Variants in TNRC18 observed in about 807,000 individuals in gnomAD.
TNRC18 encodes the protein trinucleotide repeat containing 18, also known as trinucleotide repeat-containing gene 18 protein.
In TNRC18, 69 loss-of-function variants were observed where a neutral mutation model predicts 226.7. That is an observed-to-expected ratio of 0.30 (90% CI 0.25 to 0.37). The LOEUF (loss-of-function observed/expected upper bound fraction) is 0.37, where lower values mean the gene tolerates loss of function less well. Among genes scored for constraint, TNRC18 ranks in the 10% least tolerant of loss-of-function variants. The pLI is 1.00. For missense variants in TNRC18, 4,754 were observed against 4,256.6 expected (o/e 1.12, Z -3.25); for synonymous variants, 2,449 against 1,927.6 (o/e 1.27, Z -7.09).
chr7:5,365,544 AG>A (rs760208647), intron 11 of TNRC18, among the ~76,000 whole-genome samples: 7 of 152,176 alleles, frequency 4.6e-5, no homozygotes, highest in Non-Finnish European at 8.8e-5. Flanking sequence ...CCCTCCAGGA[AG>A]GGTGCTCCAA....
intron 29 of TNRC18, 41 bp from the exon 30 acceptor site, chr7:5,308,353 A>ACAGAGG (rs1554266295): frequency 1.9e-4 from 291 of 1,550,994 alleles, no homozygotes; most frequent in Non-Finnish European, 2.4e-4. Context: ...GGTGGGGGGC[A>ACAGAGG]CAGAGGCCGA....
Position 5,377,058 on chromosome 7 carries a change from C to A in TNRC18, c.2462-65G>T. ...CCCCAAGCGGTTTGTCCTCGGGCAGCCCCAGCCCAGCACCACCTCCCAAGT... is the reference window on the plus strand; with the variant it reads ...CCCCAAGCGGTTTGTCCTCGGGCAGACCCAGCCCAGCACCACCTCCCAAGT... On this transcript the variant is annotated intron_variant, in intron 7 of 29. Coordinates refer to ENST00000430969, the MANE Select transcript of TNRC18 (RefSeq NM_001080495.3). This position sits in a 1 kb window ranked among gnomAD's most constrained non-coding sequence, Gnocchi z 5.8. The A allele has an allele frequency of 6.5e-7, 1 of 1,528,342 alleles. No homozygotes were observed. Among genetic ancestry groups the A allele is most frequent in the Non-Finnish European group, 8.8e-7 (1 of 1,140,044 alleles). The allele number at this position is 1,528,342 out of a possible 1,614,324, so 94.7% of individuals were successfully genotyped here.
intron 5 of TNRC18, among the ~76,000 whole-genome samples, chr7:5,379,715 C>T (rs1470264570): frequency 6.6e-6 from 1 of 152,338 alleles, no homozygotes; most frequent in East Asian, 1.9e-4. Context: ...GGTGAAGGCC[C>T]GGGAATGGGA....
chr7:5,380,973 C>G (rs1476837492), intron 5 of TNRC18, among the ~76,000 whole-genome samples: 1 of 152,166 alleles, frequency 6.6e-6, no homozygotes. Context: ...CCCGTGCCCC[C>G]AGAAGAGGCA....
chr7:5,370,906 C>T lies in TNRC18; in HGVS notation c.3688G>A (p.Val1230Met), dbSNP rs202017770. The change falls in exon 11 of 30, where the codon GTG (valine) becomes ATG (methionine). Residue 1230 changes from valine to methionine, a missense_variant. Val to Met is a conservative substitution (Grantham distance 21, BLOSUM62 1). Coordinates refer to ENST00000430969, the MANE Select transcript of TNRC18 (RefSeq NM_001080495.3). ...PDFVEGPEPRVDSPGRTEPCT... is the reference protein window; with the variant it reads ...PDFVEGPEPRMDSPGRTEPCT... ...GGTTCTGTCCGGCCCGGGGAATCCA[C>T]CCGTGGTTCAGGCCCCTCCACAAAG... 1 of 1,606,050 alleles carries T rather than the reference C, an allele frequency of 6.2e-7. No individual in the cohort carries two copies.
intron 2 of TNRC18, among the ~76,000 whole-genome samples, chr7:5,405,246 G>C (rs1171197843): frequency 6.6e-6 from 1 of 152,082 alleles, no homozygotes; most frequent in Admixed American, 6.6e-5. Context: ...TGGCCAACAA[G>C]GCAAAACCCT....
At position 5,388,572 on chromosome 7, in the gene TNRC18, G is replaced by A. The variant is rs1780004045; in HGVS notation, c.1252C>T (p.Arg418Trp). The change falls in exon 5 of 30, where the codon CGG becomes TGG. Residue 418 changes from arginine to tryptophan, a missense_variant. Arg to Trp is a moderately radical substitution (Grantham distance 101, BLOSUM62 -3). Coordinates refer to ENST00000430969, the MANE Select transcript of TNRC18 (RefSeq NM_001080495.3). Reference protein sequence around the residue: ...GVLQAPPGSPRPLDRPEGLRE... With the variant: ...GVLQAPPGSPWPLDRPEGLRE... ...AGGCCCTCGGGCCGGTCCAGAGGCC[G>A]CGGGGAGCCGGGGGGCGCCTGCAGG... The A allele has an allele frequency of 7.7e-7, 1 of 1,303,534 alleles. No individual in the cohort carries two copies. Among genetic ancestry groups the A allele is most frequent in the Non-Finnish European group, 9.7e-7 (1 of 1,027,668 alleles). 80.7% of individuals were successfully genotyped at this position (1,303,534 alleles called of 1,614,324 possible). A position where few individuals can be genotyped will look rare whatever the true frequency, so the allele number is the denominator to read the frequency against.
At position 5,332,818 on chromosome 7, in the gene TNRC18, G is replaced by A. The variant is rs566845664; in HGVS notation, c.5951C>T (p.Ala1984Val). ...GTCGTCGTCGCTGGCCTCGGGCCCC[G>A]CCTCGAAGCCAGGCTCCTTGGGGCC... ...LRGPKEPGFE[A>V]GPEASDDDLW... is the part of the protein sequence containing the mutation. The change falls in exon 19 of 30, where the codon GCG becomes GTG. Residue 1984 changes from alanine to valine, a missense_variant. Ala to Val is a moderately conservative substitution (Grantham distance 64, BLOSUM62 0). Coordinates refer to ENST00000430969, the MANE Select transcript of TNRC18 (RefSeq NM_001080495.3). 4.2e-5 allele frequency: 64 copies of A among 1,507,762 alleles called. No homozygotes were observed. In the South Asian group the frequency reaches 7.2e-4, roughly 17 times the overall value. The allele number at this position is 1,507,762 out of a possible 1,614,324, so 93.4% of individuals were successfully genotyped here.
intron 18 of TNRC18, among the ~76,000 whole-genome samples, chr7:5,338,739 G>T (rs559940669): frequency 1.3e-5 from 2 of 150,870 alleles, no homozygotes; most frequent in African/African-American, 2.4e-5. Flanking sequence ...TGACCAACAT[G>T]GAGAAACCCC....
At chr7:5,347,761 C>A (rs558140541) in intron 17 of TNRC18, among the ~76,000 whole-genome samples, 2 of 151,902 alleles carry the variant, frequency 1.3e-5, no homozygotes, top group African/African-American at 4.8e-5. Context: ...TCGAGACCAG[C>A]CTGGCCAACC....
In TNRC18 at chr7:5,308,185, C is replaced by T. The variant is rs1386475744; in HGVS notation, c.8828G>A (p.Gly2943Asp). ...LKTKKYQDSE[G>D]LYYLAGTYEP... The stretch of plus-strand genomic sequence containing the variant: ...GTAGGTGCCCGCGAGGTAGTACAGG[C>T]CCTCGCTGTCCTGGTACTTCTTGGT... Residue 2943 changes from glycine (G) to aspartate (D), a missense_variant, in exon 30 of 30, where the codon GGC becomes GAC. Coordinates refer to ENST00000430969, the MANE Select transcript of TNRC18 (RefSeq NM_001080495.3). 4 of 1,601,692 alleles carry T rather than the reference C, an allele frequency of 2.5e-6. No homozygotes were observed. The highest frequency in any genetic ancestry group is 3.4e-5 in the Admixed American group (2 of 58,424).
At position 5,377,334 on chromosome 7, in the gene TNRC18, C is replaced by CCCACAT; in HGVS notation, c.2461+36_2461+37insATGTGG. 7.2e-7 allele frequency: 1 copy of CCCACAT among 1,384,202 alleles called. No individual in the cohort carries two copies. The highest frequency in any genetic ancestry group is 9.8e-7 in the Non-Finnish European group (1 of 1,023,598). The allele number at this position is 1,384,202 out of a possible 1,614,324, so 85.7% of individuals were successfully genotyped here. A position where few individuals can be genotyped will look rare whatever the true frequency, so the allele number is the denominator to read the frequency against. ...TGCACCCGCCCCCTCCCACCCCTCCCTCAGAGAAGGGGAGAGACCCTGTGC... is the reference window on the plus strand; with the variant it reads ...TGCACCCGCCCCCTCCCACCCCTCCCCCACATTCAGAGAAGGGGAGAGACCCTGTGC... On this transcript the variant is annotated intron_variant, in intron 7 of 29. Transcript: ENST00000430969. This position sits in a 1 kb window ranked among gnomAD's most constrained non-coding sequence, Gnocchi z 5.8.
intron 27 of TNRC18, among the ~76,000 whole-genome samples, chr7:5,310,659 C>T (rs1787084049): frequency 6.6e-6 from 1 of 152,240 alleles, no homozygotes; most frequent in African/African-American, 2.4e-5. Context: ...CTGGGCCTCC[C>T]AAAGTGCTGG....
chr7:5,356,165 A>G (rs1348034265), intron 16 of TNRC18, among the ~76,000 whole-genome samples: 1 of 134,648 alleles, frequency 7.4e-6, no homozygotes, highest in South Asian at 2.5e-4. Context: ...CTCCGTCTCA[A>G]ATTAAAAAAA....
intron 10 of TNRC18, among the ~76,000 whole-genome samples, chr7:5,372,023 G>T (rs1373203527): frequency 1.3e-5 from 2 of 151,426 alleles, no homozygotes; most frequent in African/African-American, 4.9e-5. Context: ...TCAGCCTCGC[G>T]AGCAGCTGGG....
In TNRC18 at chr7:5,351,994, C is replaced by T. The variant is rs1190580380; in HGVS notation, c.5295G>A (p.Val1765=). The change falls in exon 17 of 30, where the codon GTG becomes GTA. Residue 1765 remains valine, a synonymous_variant. Coordinates refer to ENST00000430969, the MANE Select transcript of TNRC18 (RefSeq NM_001080495.3). ...KLTPSLLCSM[V]AKNSKAAGGP... ...CACCAGCTGCCTTGCTGTTCTTTGC[C>T]ACCATGCTACACAGGAGGGAAGGCG... 7.4e-6 allele frequency: 12 copies of T among 1,614,038 alleles called. No individual in the cohort carries two copies. Among genetic ancestry groups the T allele is most frequent in the East Asian group, 4.5e-5 (2 of 44,884 alleles).
chr7:5,309,001 C>G lies in TNRC18; in HGVS notation c.8626-52G>C. 1.9e-6 allele frequency: 3 copies of G among 1,557,846 alleles called. No homozygotes were observed. Among genetic ancestry groups the G allele is most frequent in the Non-Finnish European group, 2.6e-6 (3 of 1,148,314 alleles). On this transcript the variant is annotated intron_variant, in intron 28 of 29. Transcript: ENST00000430969. The surrounding 1 kb of genome is among the most constrained non-coding windows in gnomAD (Gnocchi z 5.7). Reference sequence around the variant, plus strand: ...GGGTGAGCCCGGGGGCTGCTGCACCCGACCCCAGGCCCCAGGACAGGGCTG... The same window carrying G: ...GGGTGAGCCCGGGGGCTGCTGCACCGGACCCCAGGCCCCAGGACAGGGCTG...
At chr7:5,367,178 A>T (rs1261490519) in intron 11 of TNRC18, among the ~76,000 whole-genome samples, 1 of 152,058 alleles carries the variant, frequency 6.6e-6, no homozygotes, top group African/African-American at 2.4e-5. Context: ...CAGCATGGCC[A>T]ACATGGGGAA....
At chr7:5,395,993 T>C (rs959596268) in intron 2 of TNRC18, among the ~76,000 whole-genome samples, 2 of 119,768 alleles carry the variant, frequency 1.7e-5, no homozygotes, top group African/African-American at 7.0e-5. Flanking sequence ...AGAGACTCCG[T>C]CTCAAAAAAA....
Sources: gnomAD v4.1 joint callset for allele counts (sites outside exome capture counted in the v4.1 genomes callset) on GRCh38, gnomAD v4.1.1 for gene constraint, Gnocchi (gnomAD v3.1) non-coding constraint, MANE v1.5 for transcripts, NCBI Gene and HGNC (gene_info 2026-07-23, HGNC 2026-07-21) for gene names.